The following MYT1L variants were observed in gnomAD, a reference collection of about 807,000 sequenced individuals.
MYT1L encodes myelin transcription factor 1 like.
MYT1L carries 12 observed loss-of-function variants against 126.7 expected under a neutral mutation model. The observed-to-expected ratio is 0.09, with a 90% CI of 0.06 to 0.15. MYT1L has a LOEUF of 0.15. Ranked by LOEUF, MYT1L falls within the 10% of genes least tolerant of loss-of-function variation. MYT1L has a pLI of 1.00. For missense variants in MYT1L, 979 were observed against 1,585.2 expected, an observed-to-expected ratio of 0.62 and a Z score of 6.49; for synonymous variants, 541 against 604.2, an observed-to-expected ratio of 0.90 and a Z score of 1.53.
At chr2:2,328,830 T>A (rs967693704) in intron 1 of MYT1L, among the ~76,000 whole-genome samples, 3 of 152,230 alleles carry the variant, frequency 2.0e-5, no homozygotes, top group Non-Finnish European at 4.4e-5. Flanking sequence ...GTAAAATATG[T>A]GTATAATGGC....
chr2:2,115,908 A>C (rs2080149674), intron 3 of MYT1L, among the ~76,000 whole-genome samples: 1 of 149,818 alleles, frequency 6.7e-6, no homozygotes, highest in Non-Finnish European at 1.5e-5. Flanking sequence ...CGATGAAAAC[A>C]GGACGAGCCT....
Position 1,903,180 on chromosome 2 carries a change from G to C in MYT1L, c.1932C>G (p.Thr644=), listed in dbSNP as rs147602480. 6.2e-7 allele frequency: 1 copy of C among 1,613,836 alleles called. No individual in the cohort carries two copies. The highest frequency in any genetic ancestry group is 1.7e-5 in the Admixed American group (1 of 59,992). ...LAKELEKYSK[T]SFEYNSYDNH... ...TGTCGTAACTGTTGTATTCAAACGA[G>C]GTCTTGGAATATTTCTCGAGCTCCT... The change falls in exon 14 of 25, where the codon ACC becomes ACG. Residue 644 remains threonine, a synonymous_variant. Transcript: ENST00000647738.
intron 14 of MYT1L, among the ~76,000 whole-genome samples, chr2:1,892,580 G>A (rs1157920648): frequency 6.8e-6 from 1 of 147,966 alleles, no homozygotes; most frequent in Non-Finnish European, 1.5e-5. Flanking sequence ...ACCCAGCACA[G>A]GCGGTCACCT....
chr2:2,283,499 T>C (rs1406677285), intron 2 of MYT1L, among the ~76,000 whole-genome samples: 2 of 152,194 alleles, frequency 1.3e-5, no homozygotes, highest in Non-Finnish European at 2.9e-5. Flanking sequence ...TAAAAATTAG[T>C]TGTGTAGCAA....
At chr2:1,995,252 T>C (rs1489378371) in intron 5 of MYT1L, among the ~76,000 whole-genome samples, 1 of 152,136 alleles carries the variant, frequency 6.6e-6, no homozygotes, top group African/African-American at 2.4e-5. Flanking sequence ...CTCTAGCATG[T>C]GTGGAAGAAC....
At chr2:2,139,133 A>C (rs1025274866) in intron 3 of MYT1L, among the ~76,000 whole-genome samples, 1 of 151,812 alleles carries the variant, frequency 6.6e-6, no homozygotes, top group African/African-American at 2.4e-5. Context: ...ATCTAAGAGG[A>C]CTTCCTGCAA....
chr2:2,298,190 A>C (rs530311186), intron 1 of MYT1L, among the ~76,000 whole-genome samples: 1 of 152,360 alleles, frequency 6.6e-6, no homozygotes, highest in African/African-American at 2.4e-5. Flanking sequence ...TGACACAAAC[A>C]CATTTCCCAG....
chr2:2,156,324 T>C (rs960135662), intron 3 of MYT1L, among the ~76,000 whole-genome samples: 14 of 152,076 alleles, frequency 9.2e-5, no homozygotes, highest in African/African-American at 3.4e-4. Context: ...TGCTGAGGAG[T>C]TATGTTCTTC....
At chr2:1,994,171 A>G (rs758135068) in intron 5 of MYT1L, among the ~76,000 whole-genome samples, 6 of 152,160 alleles carry the variant, frequency 3.9e-5, no homozygotes, top group Non-Finnish European at 8.8e-5. Context: ...CCTGCATGTG[A>G]CTTTCTCACT....
At position 2,011,321 on chromosome 2, in the gene MYT1L, GGCAGTGAGTT is replaced by G. The variant is rs370149842; in HGVS notation, c.-157-13984_-157-13975del. ...GCAGGAGAATCACTTGAACCCGGGA[GGCAGTGAGTT>G]GCAGTGAGTTGCAGTGAGCCGAGAT... On this transcript the variant is annotated intron_variant, in intron 4 of 24. Coordinates refer to ENST00000647738, the MANE Select transcript of MYT1L (RefSeq NM_001303052.2). Among the ~76,000 whole-genome samples, 1,497 of 152,008 alleles carry G rather than the reference GGCAGTGAGTT, an allele frequency of 9.8e-3. 14 individuals carry two copies. The highest frequency in any genetic ancestry group is 0.03 in the East Asian group (156 of 5,142).
chr2:1,820,703 T>C (rs2038397149), intron 21 of MYT1L, among the ~76,000 whole-genome samples: 1 of 152,040 alleles, frequency 6.6e-6, no homozygotes, highest in African/African-American at 2.4e-5. Flanking sequence ...TGTACCACCA[T>C]GCCTGGTTAA....
At chr2:2,120,826 G>A (rs746322899) in intron 3 of MYT1L, among the ~76,000 whole-genome samples, 5 of 151,966 alleles carry the variant, frequency 3.3e-5, no homozygotes, top group Non-Finnish European at 5.9e-5. Context: ...TCTCTGAACC[G>A]TGCAATACCT....
chr2:2,038,604 T>C (rs1014986746), intron 4 of MYT1L, among the ~76,000 whole-genome samples: 4 of 152,202 alleles, frequency 2.6e-5, no homozygotes, highest in African/African-American at 9.6e-5. Context: ...ATATCTCCCC[T>C]TCAAATCGAT....
In MYT1L at chr2:1,887,472, C is replaced by T; in HGVS notation, c.2642+16G>A. 6.2e-7 allele frequency: 1 copy of T among 1,613,884 alleles called. No homozygotes were observed. Among genetic ancestry groups the T allele is most frequent in the Non-Finnish European group, 8.5e-7 (1 of 1,179,868 alleles). ...AGATTAAGAAGATTCATAATTTCAC[C>T]TCACAGCATGCTTACGTTATTAAGT... On this transcript the variant is annotated intron_variant, in intron 17 of 24. Coordinates refer to ENST00000647738, the MANE Select transcript of MYT1L (RefSeq NM_001303052.2). This position sits in a 1 kb window ranked among gnomAD's most constrained non-coding sequence, Gnocchi z 4.8.
At chr2:2,199,930 T>G (rs974264817) in intron 2 of MYT1L, among the ~76,000 whole-genome samples, 11 of 152,124 alleles carry the variant, frequency 7.2e-5, no homozygotes, top group Non-Finnish European at 1.6e-4. Context: ...GCTCCAACAT[T>G]TCATCCAGGA....
At chr2:2,300,833 A>C (rs1222527334) in intron 1 of MYT1L, among the ~76,000 whole-genome samples, 1 of 152,152 alleles carries the variant, frequency 6.6e-6, no homozygotes, top group Non-Finnish European at 1.5e-5. Flanking sequence ...ATCTTAGTGG[A>C]CATCAGAGCA....
chr2:2,167,722 C>T (rs1024456009), intron 3 of MYT1L, among the ~76,000 whole-genome samples: 1 of 152,226 alleles, frequency 6.6e-6, no homozygotes, highest in Non-Finnish European at 1.5e-5. Context: ...CAGCCCTCCA[C>T]GCCTTCTCCA....
intron 2 of MYT1L, among the ~76,000 whole-genome samples, chr2:2,253,603 G>A (rs1048277648): frequency 2.0e-5 from 3 of 152,196 alleles, no homozygotes; most frequent in Admixed American, 2.0e-4. Context: ...ATGCACCAAG[G>A]AGGCTGAGAG....
At chr2:1,892,888 A>T (rs2049096787) in intron 14 of MYT1L, among the ~76,000 whole-genome samples, 1 of 152,192 alleles carries the variant, frequency 6.6e-6, no homozygotes, top group Admixed American at 6.5e-5. Flanking sequence ...TGCAGACCAG[A>T]TAGGGTGAGT....
Sources: gnomAD v4.1 joint callset for allele counts (sites outside exome capture counted in the v4.1 genomes callset) on GRCh38, gnomAD v4.1.1 for gene constraint, Gnocchi (gnomAD v3.1) non-coding constraint, MANE v1.5 for transcripts, NCBI Gene and HGNC (gene_info 2026-07-23, HGNC 2026-07-21) for gene names.